Variants in CES1 observed in about 807,000 individuals in gnomAD.
The protein encoded by CES1 is carboxylesterase 1.
Under a neutral mutation model 53.0 loss-of-function variants are expected in CES1, and 50 were observed. That is an observed-to-expected ratio of 0.94 (90% CI 0.75 to 1.19). The LOEUF (loss-of-function observed/expected upper bound fraction) is 1.19. Ranked by LOEUF, CES1 falls within the 50% of genes most tolerant of loss-of-function variation. The pLI is 0.00. For synonymous variants in CES1, 202 were observed against 210.1 expected (o/e 0.96, Z 0.33); for missense variants, 534 against 538.0 (o/e 0.99, Z 0.07).
At chr16:55,830,528 G>T (rs1228936136) in intron 1 of CES1, among the ~76,000 whole-genome samples, 1 of 152,116 alleles carries the variant, frequency 6.6e-6, no homozygotes, top group African/African-American at 2.4e-5. Flanking sequence ...TTGGAGACCA[G>T]GCACAGTGGA....
rs374863724 is a variant in CES1 at position 55,828,958 on chromosome 16, C to A, written c.69G>T (p.Ser23=). The A allele has an allele frequency of 1.2e-6, 2 of 1,610,984 alleles. No homozygotes were observed. Among genetic ancestry groups the A allele is most frequent in the Non-Finnish European group, 1.7e-6 (2 of 1,178,672 alleles). ...CATGCACGGTGTCCACCACAGGTGGCGAGGACGGATGCCCTGCTGGACATG... is the reference window on the plus strand; with the variant it reads ...CATGCACGGTGTCCACCACAGGTGGAGAGGACGGATGCCCTGCTGGACATG... The part of the protein sequence containing the change: ...ASAAWAGHPS[S]PPVVDTVHGK... Residue 23 remains serine, a synonymous_variant, in exon 2 of 14, where the codon TCG becomes TCT. Transcript: ENST00000360526.
chr16:55,820,626 G>A, intron 5 of CES1, 147 bp from the exon 6 acceptor site: 1 of 1,374,658 alleles, frequency 7.3e-7, no homozygotes, highest in Non-Finnish European at 1.0e-6. Context: ...CCACCTCAAG[G>A]AGGTGGAAGT....
At chr16:55,825,838 A>G (rs2142347512) in intron 3 of CES1, among the ~76,000 whole-genome samples, 1 of 152,286 alleles carries the variant, frequency 6.6e-6, no homozygotes, top group South Asian at 2.1e-4. Flanking sequence ...ATCATGTCTT[A>G]CCCAATCTTG....
intron 1 of CES1, among the ~76,000 whole-genome samples, chr16:55,830,871 A>G (rs1597094679): frequency 6.6e-6 from 1 of 151,300 alleles, no homozygotes; most frequent in South Asian, 2.1e-4. Flanking sequence ...GGAGGGAGGG[A>G]AAGAAAAGAA....
chr16:55,825,234 C>T (rs2032372262), intron 3 of CES1, among the ~76,000 whole-genome samples: 1 of 152,206 alleles, frequency 6.6e-6, no homozygotes, highest in Non-Finnish European at 1.5e-5. Context: ...CTCTCACTTC[C>T]TGTGTCTCAC....
intron 2 of CES1, among the ~76,000 whole-genome samples, chr16:55,826,761 T>C (rs1482592954): frequency 2.0e-5 from 3 of 152,310 alleles, no homozygotes; most frequent in African/African-American, 7.2e-5. Context: ...GATTTCTACA[T>C]GAGTCTTGCA....
chr16:55,822,346 A>T (rs1383377492), intron 4 of CES1, among the ~76,000 whole-genome samples: 2 of 152,230 alleles, frequency 1.3e-5, no homozygotes, highest in Non-Finnish European at 2.9e-5. Context: ...CTGGGCTAGG[A>T]GCCAGGGAAG....
intron 9 of CES1, 65 bp from the exon 10 acceptor site, chr16:55,811,075 C>T (rs1672752340): frequency 2.2e-6 from 3 of 1,339,368 alleles, no homozygotes; most frequent in Non-Finnish European, 3.2e-6. Flanking sequence ...AACAAACTGA[C>T]CAACCAACCA....
intron 9 of CES1, 41 bp downstream of exon 9, chr16:55,812,862 G>A (rs752847471): frequency 1.3e-5 from 21 of 1,612,044 alleles, no homozygotes; most frequent in Non-Finnish European, 1.5e-5. Context: ...GAGGGCTGAT[G>A]GGGGTGGTTG....
intron 8 of CES1, among the ~76,000 whole-genome samples, chr16:55,815,092 G>A (rs545470342): frequency 7.9e-4 from 120 of 152,338 alleles, no homozygotes; most frequent in Admixed American, 7.4e-3. Context: ...CTAAACAGTG[G>A]GAACCGCATG....
rs1333586683 is a variant in CES1, at chr16:55,810,942, C to T, written c.1155G>A (p.Lys385=). 1.9e-6 allele frequency: 3 copies of T among 1,613,712 alleles called. No homozygotes were observed. In the East Asian group the frequency reaches 6.7e-5, roughly 36 times the overall value. The change falls in exon 10 of 14, where the codon AAG becomes AAA. Residue 385 remains lysine (K), a synonymous_variant. Transcript: ENST00000360526. ...DQKTAMSLLW[K]SYPLVCIAKE... is the part of the protein sequence containing the mutation. Reference sequence around the variant, plus strand: ...AGACTCTTACAACAAGGGGATAGGACTTCCACAGGAGTGACATGGCTGTCT... The same window carrying T: ...AGACTCTTACAACAAGGGGATAGGATTTCCACAGGAGTGACATGGCTGTCT...
At chr16:55,829,248 C>T (rs2032547413) in intron 1 of CES1, among the ~76,000 whole-genome samples, 6 of 152,218 alleles carry the variant, frequency 3.9e-5, no homozygotes. Flanking sequence ...AGACATTTAG[C>T]TTCCCCCTTA....
intron 6 of CES1, chr16:55,820,020 C>G (rs543132551): frequency 1.8e-6 from 1 of 550,226 alleles, no homozygotes; most frequent in Non-Finnish European, 3.3e-6. Context: ...CAGAGAGACA[C>G]AAGACACCAT....
At position 55,823,586 on chromosome 16, in the gene CES1, G is replaced by C. The variant is rs147694791; in HGVS notation, c.503C>G (p.Thr168Ser). ...CCAGATGCCCAGGCGATATTGAATG[G>C]TCACCACCACCACGTTTTCATGGGC... ...LAAHENVVVV[T>S]IQYRLGIWGF... The change falls in exon 4 of 14, where the codon ACC becomes AGC. Residue 168 changes from threonine to serine, a missense_variant. Transcript: ENST00000360526. 2.5e-3 allele frequency: 4,023 copies of C among 1,612,930 alleles called. 3 individuals carry two copies. In the African/African-American group the frequency reaches 0.049, roughly 20 times the overall value.
Position 55,821,403 on chromosome 16 carries a change from C to A in CES1, c.658G>T (p.Gly220Ter). The part of the protein sequence containing the change: ...GGNPGSVTIF[G>*]ESAGGESVSV... ...ACACTTTCTCCTCCCGCTGACTCTC[C>A]AAAGATGGTCACAGAGCCTGGGTTC... is the stretch of plus-strand genomic sequence containing the variant. Residue 220 changes from glycine (G) to a stop codon, truncating the protein, a stop_gained, in exon 5 of 14, where the codon GGA (glycine) becomes TGA (stop). Coordinates refer to ENST00000360526, the MANE Select transcript of CES1 (RefSeq NM_001025195.2). LOFTEE classifies it high-confidence loss of function. 1 of 1,614,204 alleles carries A rather than the reference C, an allele frequency of 6.2e-7. No individual in the cohort carries two copies. The highest frequency in any genetic ancestry group is 8.5e-7 in the Non-Finnish European group (1 of 1,180,040).
chr16:55,822,735 G>A (rs1323894756), intron 4 of CES1, among the ~76,000 whole-genome samples: 1 of 152,088 alleles, frequency 6.6e-6, no homozygotes, highest in African/African-American at 2.4e-5. Flanking sequence ...CAGGGAGGAG[G>A]GAGGACCAGG....
At chr16:55,809,759 A>C (rs1363003346) in intron 11 of CES1, among the ~76,000 whole-genome samples, 3 of 152,176 alleles carry the variant, frequency 2.0e-5, no homozygotes, top group Non-Finnish European at 2.9e-5. Flanking sequence ...TCTGGATCCC[A>C]TGCAGGGCTC....
intron 1 of CES1, among the ~76,000 whole-genome samples, chr16:55,831,425 G>A (rs1289631915): frequency 2.0e-5 from 3 of 151,114 alleles, no homozygotes; most frequent in African/African-American, 7.3e-5. Context: ...GGGTGAATGG[G>A]GGGAGGCAGA....
intron 4 of CES1, among the ~76,000 whole-genome samples, chr16:55,821,859 C>T (rs1257211231): frequency 6.6e-6 from 1 of 152,064 alleles, no homozygotes; most frequent in Non-Finnish European, 1.5e-5. Context: ...ATAATGATGT[C>T]AGGTAGTCAA....
Sources: allele counts gnomAD v4.1 joint callset (sites outside exome capture counted in the v4.1 genomes callset), GRCh38; gene constraint gnomAD v4.1.1; transcripts MANE v1.5; gene names NCBI Gene and HGNC (gene_info 2026-07-23, HGNC 2026-07-21).